The following BMERB1 variants were observed in gnomAD, a reference collection of about 807,000 sequenced individuals.
BMERB1 encodes the protein bMERB domain-containing protein 1.
A neutral mutation model predicts 23.6 loss-of-function variants in BMERB1; 12 were observed. That is an observed-to-expected ratio of 0.51 (90% CI 0.33 to 0.82). The LOEUF (loss-of-function observed/expected upper bound fraction) is 0.82, where lower values mean the gene tolerates loss of function less well. Ranked by LOEUF, BMERB1 falls within the 40% of genes least tolerant of loss-of-function variation. BMERB1 has a pLI of 0.03. For missense variants in BMERB1, 247 were observed against 255.4 expected, an observed-to-expected ratio of 0.97 and a Z score of 0.22; for synonymous variants, 122 against 96.6, an observed-to-expected ratio of 1.26 and a Z score of -1.54.
chr16:15,475,806 T>C (rs1417105633), intron 1 of BMERB1, among the ~76,000 whole-genome samples: 2 of 152,002 alleles, frequency 1.3e-5, no homozygotes, highest in Non-Finnish European at 2.9e-5. Context: ...AGTTGGAAAA[T>C]CAACTTTAAT....
intron 1 of BMERB1, among the ~76,000 whole-genome samples, chr16:15,481,021 A>G (rs2051316622): frequency 1.3e-5 from 2 of 152,200 alleles, no homozygotes; most frequent in Admixed American, 1.3e-4. Context: ...AAAAATTAGA[A>G]TCAGTCTAAG....
At chr16:15,458,649 C>T (rs1484328491) in intron 1 of BMERB1, among the ~76,000 whole-genome samples, 1 of 146,968 alleles carries the variant, frequency 6.8e-6, no homozygotes, top group Admixed American at 6.9e-5. Flanking sequence ...CCCAGAAGGT[C>T]AAGACTGCAG....
intron 2 of BMERB1, among the ~76,000 whole-genome samples, chr16:15,538,107 G>C (rs972144522): frequency 1.3e-5 from 2 of 152,130 alleles, no homozygotes; most frequent in African/African-American, 2.4e-5. Flanking sequence ...ATCTTGAGTC[G>C]ATAGGAGGCT....
At chr16:15,511,792 A>G (rs1760090634) in intron 1 of BMERB1, among the ~76,000 whole-genome samples, 1 of 152,066 alleles carries the variant, frequency 6.6e-6, no homozygotes, top group Non-Finnish European at 1.5e-5. Flanking sequence ...CTGGCAGATT[A>G]CCTGAGGTCA....
At chr16:15,460,680 A>G (rs1193307142) in intron 1 of BMERB1, among the ~76,000 whole-genome samples, 1 of 152,178 alleles carries the variant, frequency 6.6e-6, no homozygotes, top group Non-Finnish European at 1.5e-5. Context: ...ACATCCACAC[A>G]TATTGGCTGA....
chr16:15,557,223 T>C (rs1257077236), intron 2 of BMERB1, among the ~76,000 whole-genome samples: 1 of 152,200 alleles, frequency 6.6e-6, no homozygotes, highest in East Asian at 1.9e-4. Context: ...GGGTTGGCTT[T>C]CTTTTCCTTC....
chr16:15,563,806 C>A (rs1319352871), intron 2 of BMERB1, among the ~76,000 whole-genome samples: 1 of 152,178 alleles, frequency 6.6e-6, no homozygotes, highest in African/African-American at 2.4e-5. Context: ...CACCTCCCCC[C>A]AGGCCCCTCC....
At chr16:15,483,099 C>A (rs1157771541) in intron 1 of BMERB1, among the ~76,000 whole-genome samples, 1 of 152,232 alleles carries the variant, frequency 6.6e-6, no homozygotes, top group African/African-American at 2.4e-5. Flanking sequence ...CCATATCCTG[C>A]CTTTTTCACT....
chr16:15,570,312 T>C (rs1287059551), intron 3 of BMERB1, among the ~76,000 whole-genome samples: 1 of 152,086 alleles, frequency 6.6e-6, no homozygotes, highest in Non-Finnish European at 1.5e-5. Context: ...CAGCACACAG[T>C]GGGTGCCCAT....
chr16:15,573,639 T>C (rs1286839746), intron 3 of BMERB1, among the ~76,000 whole-genome samples: 1 of 152,148 alleles, frequency 6.6e-6, no homozygotes, highest in Admixed American at 6.5e-5. Context: ...TTTACAATAG[T>C]GGTGTTATCT....
intron 2 of BMERB1, among the ~76,000 whole-genome samples, chr16:15,515,800 T>G (rs2051744788): frequency 6.6e-6 from 1 of 151,928 alleles, no homozygotes; most frequent in East Asian, 1.9e-4. Context: ...CTTGGGCAGG[T>G]TACTTGGACT....
intron 1 of BMERB1, among the ~76,000 whole-genome samples, chr16:15,468,444 C>T (rs1245875789): frequency 3.3e-5 from 5 of 152,010 alleles, no homozygotes; most frequent in Non-Finnish European, 5.9e-5. Context: ...CACACCTGAC[C>T]TGATTGTAAA....
intron 2 of BMERB1, among the ~76,000 whole-genome samples, chr16:15,551,155 C>T (rs1443729294): frequency 6.6e-6 from 1 of 152,212 alleles, no homozygotes; most frequent in East Asian, 1.9e-4. Context: ...GACTCACCGC[C>T]TTTGATAGAT....
intron 1 of BMERB1, among the ~76,000 whole-genome samples, chr16:15,475,626 C>T (rs1368872844): frequency 6.6e-6 from 1 of 152,176 alleles, no homozygotes; most frequent in Non-Finnish European, 1.5e-5. Flanking sequence ...GGGAAGCTCA[C>T]TCAAGCCTTG....
At chr16:15,487,066 A>G (rs2051375046) in intron 1 of BMERB1, among the ~76,000 whole-genome samples, 1 of 152,206 alleles carries the variant, frequency 6.6e-6, no homozygotes, top group African/African-American at 2.4e-5. Flanking sequence ...AAGATGTTTA[A>G]AAGGGAATTT....
At chr16:15,504,229 A>G (rs780308967) in intron 1 of BMERB1, among the ~76,000 whole-genome samples, 19 of 152,156 alleles carry the variant, frequency 1.2e-4, no homozygotes, top group Non-Finnish European at 1.8e-4. Context: ...CTGGCTCCCC[A>G]TGGTGCCTGC....
intron 1 of BMERB1, among the ~76,000 whole-genome samples, chr16:15,465,337 C>T (rs1037793664): frequency 1.4e-5 from 2 of 144,308 alleles, no homozygotes; most frequent in African/African-American, 5.0e-5. Context: ...CAAATTTGGT[C>T]AATGCTAAGA....
chr16:15,577,245 C>T (rs1183119254), intron 3 of BMERB1: 1 of 152,160 alleles, frequency 6.6e-6, no homozygotes, highest in Non-Finnish European at 1.5e-5. Flanking sequence ...TTCCAGCTCC[C>T]TTGACTATGT....
At chr16:15,494,064 C>G (rs1327092293) in intron 1 of BMERB1, among the ~76,000 whole-genome samples, 1 of 152,108 alleles carries the variant, frequency 6.6e-6, no homozygotes, top group African/African-American at 2.4e-5. Context: ...AATCATAGCT[C>G]AGGATAGATT....
Sources: allele counts gnomAD v4.1 joint callset (sites outside exome capture counted in the v4.1 genomes callset), GRCh38; gene constraint gnomAD v4.1.1; transcripts MANE v1.5; gene names NCBI Gene and HGNC (gene_info 2026-07-23, HGNC 2026-07-21).